Variants in COPS2 observed in about 807,000 individuals in gnomAD.
The protein encoded by COPS2 is COP9 signalosome subunit 2, also known as COP9 signalosome complex subunit 2.
COPS2 carries 10 observed loss-of-function variants against 66.1 expected under a neutral mutation model. The ratio of observed to expected loss-of-function variants is 0.15; its 90% confidence interval spans 0.09 to 0.26. The LOEUF (loss-of-function observed/expected upper bound fraction) is 0.26, where lower values mean the gene tolerates loss of function less well. Ranked by LOEUF, COPS2 falls within the 10% of genes least tolerant of loss-of-function variation. COPS2 has a pLI of 1.00. For synonymous variants in COPS2, 179 were observed against 171.3 expected, an observed-to-expected ratio of 1.04 and a Z score of -0.35; for missense variants, 215 against 513.3, an observed-to-expected ratio of 0.42 and a Z score of 5.62.
intron 9 of COPS2, among the ~76,000 whole-genome samples, chr15:49,132,337 C>T (rs2084216363): frequency 6.7e-6 from 1 of 149,754 alleles, no homozygotes; most frequent in Non-Finnish European, 1.5e-5. Context: ...TGTTCTTAGT[C>T]CCCCTAAAAA....
chr15:49,135,236 A>G (rs544244478), intron 6 of COPS2, among the ~76,000 whole-genome samples: 2 of 152,336 alleles, frequency 1.3e-5, no homozygotes, highest in South Asian at 2.1e-4. Flanking sequence ...TGCTGTACGT[A>G]TGAAATGTTT....
intron 1 of COPS2, among the ~76,000 whole-genome samples, chr15:49,151,541 G>C (rs2084361647): frequency 6.6e-6 from 1 of 152,026 alleles, no homozygotes; most frequent in South Asian, 2.1e-4. Flanking sequence ...TAGAACGATT[G>C]GACTGCGGAA....
At chr15:49,153,047 A>G (rs1396125121) in intron 1 of COPS2, among the ~76,000 whole-genome samples, 1 of 152,246 alleles carries the variant, frequency 6.6e-6, no homozygotes. Flanking sequence ...CTAATAAGTT[A>G]TGTATCCAAC....
intron 1 of COPS2, among the ~76,000 whole-genome samples, chr15:49,154,570 T>A (rs2084396725): frequency 6.6e-6 from 1 of 152,220 alleles, no homozygotes; most frequent in Non-Finnish European, 1.5e-5. Flanking sequence ...AACTTTATGA[T>A]AATGCAGCAT....
chr15:49,150,654 G>C (rs2084354008), intron 1 of COPS2, among the ~76,000 whole-genome samples: 1 of 152,096 alleles, frequency 6.6e-6, no homozygotes, highest in African/African-American at 2.4e-5. Flanking sequence ...AACTAATGCA[G>C]GAACAGAAAA....
rs2084145467 is a variant in COPS2, at chr15:49,124,188, ATGG to A, written c.*3759_*3761del. Reference sequence around the variant, plus strand: ...GGAGTTTGAGACCAGCCTGGCCAACATGGTGAAATCTTGTCTCTACTAAAAACA... The same window carrying A: ...GGAGTTTGAGACCAGCCTGGCCAACATGAAATCTTGTCTCTACTAAAAACA... On this transcript the variant is annotated 3_prime_UTR_variant, in exon 13 of 13. Transcript: ENST00000388901. The A allele has an allele frequency of 6.6e-6, 1 of 152,170 alleles. No individual in the cohort carries two copies. The highest frequency in any genetic ancestry group is 6.5e-5 in the Admixed American group (1 of 15,274). 9.4% of individuals were successfully genotyped at this position (152,170 alleles called of 1,614,324 possible).
chr15:49,136,512 T>C (rs758012501), intron 6 of COPS2, among the ~76,000 whole-genome samples: 5 of 152,198 alleles, frequency 3.3e-5, no homozygotes, highest in Non-Finnish European at 2.9e-5. Context: ...CCAGTATCAC[T>C]TGAAGTTCTG....
Position 49,125,349 on chromosome 15 carries a change from T to G in COPS2, c.*2601A>C, listed in dbSNP as rs1048975. On this transcript the variant is annotated 3_prime_UTR_variant, in exon 13 of 13. Coordinates refer to ENST00000388901, the MANE Select transcript of COPS2 (RefSeq NM_004236.4). ...GAGTGAGTAATGGAAATCCAGCTCT[T>G]GTAGTAGAGAGCATCTACTTGTGGC... 0.53 allele frequency: 79,937 copies of G among 151,956 alleles called. 21,537 individuals carry two copies. The highest frequency in any genetic ancestry group is 0.63 in the Admixed American group (9,626 of 15,268). 9.4% of individuals were successfully genotyped at this position (151,956 alleles called of 1,614,324 possible).
Position 49,139,478 on chromosome 15 carries a change from A to G in COPS2, c.372+50T>C, listed in dbSNP as rs776597513. The G allele has an allele frequency of 6.1e-6, 9 of 1,466,902 alleles. No homozygotes were observed. In the South Asian group the frequency reaches 9.4e-5, roughly 15 times the overall value. 90.9% of individuals were successfully genotyped at this position (1,466,902 alleles called of 1,614,324 possible). Reference sequence around the variant, plus strand: ...ATCTATAAAGAACAAAGCCCTTACTATAAATAATAAACACACTGATCGTCC... The same window carrying G: ...ATCTATAAAGAACAAAGCCCTTACTGTAAATAATAAACACACTGATCGTCC... On this transcript the variant is annotated intron_variant, in intron 4 of 12. Coordinates refer to ENST00000388901, the MANE Select transcript of COPS2 (RefSeq NM_004236.4).
chr15:49,136,919 G>A (rs1169690798), intron 6 of COPS2, among the ~76,000 whole-genome samples: 1 of 151,876 alleles, frequency 6.6e-6, no homozygotes, highest in African/African-American at 2.4e-5. Context: ...AGCCCAGGAG[G>A]TAAAGGTTGC....
rs1459689713 is a variant in COPS2 at position 49,123,175 on chromosome 15, C to T, written c.*4775G>A. 3 of 152,298 alleles carry T rather than the reference C, an allele frequency of 2.0e-5. No individual in the cohort carries two copies. The East Asian group carries it at 5.8e-4, about 29-fold the overall frequency. The allele number at this position is 152,298 out of a possible 1,614,324, so 9.4% of individuals were successfully genotyped here. ...ATTTGAACAGAAATTAGATACTCAA[C>T]ACTTGGCATTAATATGTTGCTAATA... On this transcript the variant is annotated 3_prime_UTR_variant, in exon 13 of 13. Transcript: ENST00000388901.
chr15:49,134,258 T>C (rs1462441925), intron 7 of COPS2, 82 bp downstream of exon 7: 4 of 1,472,332 alleles, frequency 2.7e-6, no homozygotes, highest in Non-Finnish European at 2.8e-6. Flanking sequence ...AGGTATACAC[T>C]GAAGTTCTAA....
rs184144946 is a variant in COPS2, at chr15:49,133,089, T to C, written c.947+670A>G. 1.3e-4 allele frequency among the ~76,000 whole-genome samples: 20 copies of C among 151,138 alleles called. No individual in the cohort carries two copies. In the East Asian group the frequency reaches 2.2e-3, roughly 16 times the overall value. On this transcript the variant is annotated intron_variant, in intron 9 of 12. Transcript: ENST00000388901. ...CTGCCACCTCTGCCTCCCGGGTTCA[T>C]GCCATTCTCCTGCCTCAGCCTCCCG... is the stretch of plus-strand genomic sequence containing the variant.
At chr15:49,134,602 T>C (rs879867324) in intron 6 of COPS2, 88 bp from the exon 7 acceptor site, 2 of 1,063,638 alleles carry the variant, frequency 1.9e-6, no homozygotes, top group Non-Finnish European at 2.7e-6. Flanking sequence ...ACATTTATAA[T>C]ACTATTTCCA....
At chr15:49,145,783 T>C (rs997030831) in intron 1 of COPS2, among the ~76,000 whole-genome samples, 1 of 152,140 alleles carries the variant, frequency 6.6e-6, no homozygotes, top group Admixed American at 6.5e-5. Context: ...AAAACAACTA[T>C]TTTGTGGAGC....
rs895859185 is a variant in COPS2, at chr15:49,127,117, T to G, written c.*833A>C. 10 of 152,274 alleles carry G rather than the reference T, an allele frequency of 6.6e-5. No individual in the cohort carries two copies. Among genetic ancestry groups the G allele is most frequent in the African/African-American group, 2.4e-4 (10 of 41,572 alleles). 9.4% of individuals were successfully genotyped at this position (152,274 alleles called of 1,614,324 possible). A position where few individuals can be genotyped will look rare whatever the true frequency, so the allele number is the denominator to read the frequency against. ...TATCACTCTTTAAAAAAAAAGAATT[T>G]TATTCCTTTAAAGCATCACTGTCAT... On this transcript the variant is annotated 3_prime_UTR_variant, in exon 13 of 13. Coordinates refer to ENST00000388901, the MANE Select transcript of COPS2 (RefSeq NM_004236.4).
chr15:49,142,495 G>A (rs1046201247), intron 3 of COPS2, among the ~76,000 whole-genome samples: 2 of 152,146 alleles, frequency 1.3e-5, no homozygotes, highest in African/African-American at 4.8e-5. Context: ...GAGAGGTGGA[G>A]GAAACATATC....
At chr15:49,152,565 T>G (rs1349733570) in intron 1 of COPS2, among the ~76,000 whole-genome samples, 1 of 152,162 alleles carries the variant, frequency 6.6e-6, no homozygotes, top group Non-Finnish European at 1.5e-5. Flanking sequence ...CTAACACCGG[T>G]AATCCCAGCA....
rs1451393841 is a variant in COPS2 at position 49,125,889 on chromosome 15, G to C, written c.*2061C>G. On this transcript the variant is annotated 3_prime_UTR_variant, in exon 13 of 13. Coordinates refer to ENST00000388901, the MANE Select transcript of COPS2 (RefSeq NM_004236.4). The stretch of plus-strand genomic sequence containing the variant: ...TGCACTATTGTACAAAGCAAAGATA[G>C]CACAGGAGAACTGGGCACTGTAAGA... 1 of 152,074 alleles carries C rather than the reference G, an allele frequency of 6.6e-6. No individual in the cohort carries two copies. The highest frequency in any genetic ancestry group is 2.4e-5 in the African/African-American group (1 of 41,440). The allele number at this position is 152,074 out of a possible 1,614,324, so 9.4% of individuals were successfully genotyped here.
Sources: gnomAD v4.1 joint callset for allele counts (sites outside exome capture counted in the v4.1 genomes callset) on GRCh38, gnomAD v4.1.1 for gene constraint, MANE v1.5 for transcripts, NCBI Gene and HGNC (gene_info 2026-07-23, HGNC 2026-07-21) for gene names.